MYO18B: variants seen among roughly 807,000 people sequenced by gnomAD.
The protein encoded by MYO18B is myosin XVIIIB.
Under a neutral mutation model 273.0 loss-of-function variants are expected in MYO18B, and 204 were observed. That is an observed-to-expected ratio of 0.75 (90% CI 0.67 to 0.84). The LOEUF (loss-of-function observed/expected upper bound fraction) is 0.84. Ranked by LOEUF, MYO18B falls within the 40% of genes least tolerant of loss-of-function variation. The pLI, the probability that MYO18B is intolerant of heterozygous loss-of-function variation, is 0.00. For synonymous variants in MYO18B, 1,330 were observed against 1,305.7 expected (o/e 1.02, Z -0.40); for missense variants, 3,212 against 3,287.6 (o/e 0.98, Z 0.56).
At chr22:25,964,691 C>T (rs971437669) in intron 39 of MYO18B, 3 of 152,296 alleles carry the variant, frequency 2.0e-5, no homozygotes, top group African/African-American at 7.2e-5. Flanking sequence ...TACCAAATGT[C>T]CCCTAAGGGG....
chr22:25,811,179 ATT>A (rs562242373), intron 12 of MYO18B, among the ~76,000 whole-genome samples: 8,864 of 127,880 alleles, frequency 0.069, 461 homozygotes, highest in East Asian at 0.23. Context: ...GTGCCCGGCT[ATT>A]TTTTTTTTTT....
intron 11 of MYO18B, 114 bp from the exon 12 acceptor site, chr22:25,797,839 T>C (rs2103842): frequency 7.7e-6 from 11 of 1,423,212 alleles, no homozygotes; most frequent in Non-Finnish European, 9.8e-6. Context: ...TAATTTATTG[T>C]GGCAATAAAA....
intron 22 of MYO18B, 64 bp from the exon 23 acceptor site, chr22:25,874,222 C>A: frequency 6.3e-7 from 1 of 1,587,920 alleles, no homozygotes; most frequent in South Asian, 1.1e-5. Context: ...GATTTGCAAG[C>A]ACCCCCCCAT....
At position 25,890,811 on chromosome 22, in the gene MYO18B, G is replaced by T. The variant is rs757472499; in HGVS notation, c.4370G>T (p.Cys1457Phe). ...GAGCGCTTCAAAGGTGATGTGGCCT[G>T]CCAGGTGCTGGAGAGTGAGCGGGCA... ...ADERFKGDVA[C>F]QVLESERAER... The change falls in exon 26 of 44, where the codon TGC (cysteine) becomes TTC (phenylalanine). Residue 1457 changes from cysteine to phenylalanine, a missense_variant. Transcript: ENST00000335473. 2 of 1,613,990 alleles carry T rather than the reference G, an allele frequency of 1.2e-6. No individual in the cohort carries two copies. The highest frequency in any genetic ancestry group is 2.2e-5 in the East Asian group (1 of 44,876).
chr22:25,962,590 G>T (rs891099320), intron 39 of MYO18B, among the ~76,000 whole-genome samples: 1 of 152,180 alleles, frequency 6.6e-6, no homozygotes, highest in African/African-American at 2.4e-5. Flanking sequence ...ATGGACTAGG[G>T]ACTGTGCCCT....
intron 13 of MYO18B, among the ~76,000 whole-genome samples, chr22:25,826,092 A>G (rs2089479400): frequency 6.6e-6 from 1 of 152,186 alleles, no homozygotes; most frequent in Non-Finnish European, 1.5e-5. Context: ...AGCAACACAG[A>G]GCTGGGAATT....
chr22:25,906,037 G>A (rs1192756675), intron 31 of MYO18B, among the ~76,000 whole-genome samples: 2 of 152,140 alleles, frequency 1.3e-5, no homozygotes, highest in Admixed American at 1.3e-4. Context: ...TGGCCTCAGG[G>A]ACCCAAAACT....
At chr22:25,884,141 T>C (rs943858885) in intron 25 of MYO18B, among the ~76,000 whole-genome samples, 2 of 152,144 alleles carry the variant, frequency 1.3e-5, no homozygotes, top group Non-Finnish European at 2.9e-5. Context: ...GGTAAGAAAT[T>C]GTGGAGACAA....
At chr22:26,021,512 C>A (rs1935815561) in intron 42 of MYO18B, among the ~76,000 whole-genome samples, 1 of 152,206 alleles carries the variant, frequency 6.6e-6, no homozygotes, top group African/African-American at 2.4e-5. Context: ...TCACTCAACA[C>A]AAATTCATTG....
intron 42 of MYO18B, 91 bp downstream of exon 42, chr22:26,004,946 G>T (rs1168442068): frequency 8.6e-6 from 13 of 1,519,854 alleles, no homozygotes; most frequent in African/African-American, 1.4e-5. Context: ...CATTGTCTCT[G>T]GCATAGGCAA....
At chr22:25,866,784 C>CAAAAA (rs56260207) in intron 21 of MYO18B, among the ~76,000 whole-genome samples, 13 of 40,182 alleles carry the variant, frequency 3.2e-4, no homozygotes, top group Admixed American at 1.0e-3. Context: ...GACTCCGTCT[C>CAAAAA]AAAAAAAAAA....
chr22:25,971,465 C>A (rs1448319190), intron 39 of MYO18B, among the ~76,000 whole-genome samples: 2 of 152,146 alleles, frequency 1.3e-5, no homozygotes, highest in African/African-American at 4.8e-5. Context: ...CTGACCCCAG[C>A]CAAAAAACAT....
Position 26,027,711 on chromosome 22 carries a change from C to A in MYO18B, c.*12+21C>A. The A allele has an allele frequency of 6.4e-7, 1 of 1,565,260 alleles. No homozygotes were observed. Among genetic ancestry groups the A allele is most frequent in the Non-Finnish European group, 8.7e-7 (1 of 1,155,514 alleles). On this transcript the variant is annotated intron_variant, in intron 43 of 43. Transcript: ENST00000335473. The surrounding 1 kb of genome is among the most constrained non-coding windows in gnomAD (Gnocchi z 4.1). The stretch of plus-strand genomic sequence containing the variant: ...TTCAGGTAAAAGCAACAGGCTGGGG[C>A]TATTCTTGGGGGAATGAGAGTTCAC...
chr22:25,823,545 C>T lies in MYO18B; in HGVS notation c.2562C>T (p.Tyr854=), dbSNP rs760772608. ...TCATGAGGTTTGAGTGGGCAAACTA[C>T]GCAGCTGAGGCCCTGGGCTGCGAGT... ...KQFMRFEWAN[Y]AAEALGCEYE... Residue 854 remains tyrosine, a synonymous_variant, in exon 13 of 44, where the codon TAC becomes TAT. Transcript: ENST00000335473. 1.1e-5 allele frequency: 17 copies of T among 1,613,830 alleles called. No homozygotes were observed. The highest frequency in any genetic ancestry group is 4.5e-5 in the East Asian group (2 of 44,868).
chr22:25,742,901 G>A (rs890474777), intron 1 of MYO18B, among the ~76,000 whole-genome samples: 6 of 152,220 alleles, frequency 3.9e-5, no homozygotes, highest in Admixed American at 1.3e-4. Flanking sequence ...CTGGCACCCC[G>A]GATAGCAGGC....
At chr22:25,787,270 G>A (rs1312283760) in intron 11 of MYO18B, among the ~76,000 whole-genome samples, 7 of 42,698 alleles carry the variant, frequency 1.6e-4, no homozygotes, top group African/African-American at 6.5e-4. Context: ...GTGCAGGCGC[G>A]CGCACACACA....
At chr22:25,806,387 G>A (rs557633666) in intron 12 of MYO18B, among the ~76,000 whole-genome samples, 1 of 152,280 alleles carries the variant, frequency 6.6e-6, no homozygotes, top group Admixed American at 6.5e-5. Flanking sequence ...TTTGTCTCGA[G>A]AGGCTGGGCA....
chr22:25,822,444 T>G (rs1378682397), intron 12 of MYO18B, among the ~76,000 whole-genome samples: 6 of 152,240 alleles, frequency 3.9e-5, no homozygotes, highest in Non-Finnish European at 5.9e-5. Context: ...TCTTATCTAT[T>G]TGTTTACTTG....
At chr22:25,869,639 G>A (rs903989144) in intron 22 of MYO18B, among the ~76,000 whole-genome samples, 7 of 152,216 alleles carry the variant, frequency 4.6e-5, no homozygotes, top group Admixed American at 3.3e-4. Context: ...GCTATGTGAG[G>A]TGGTGGGAGG....
Sources: gnomAD v4.1 joint callset for allele counts (sites outside exome capture counted in the v4.1 genomes callset) on GRCh38, gnomAD v4.1.1 for gene constraint, Gnocchi (gnomAD v3.1) non-coding constraint, MANE v1.5 for transcripts, NCBI Gene and HGNC (gene_info 2026-07-23, HGNC 2026-07-21) for gene names.